LINGO2: variants seen among roughly 807,000 people sequenced by gnomAD.
LINGO2 encodes leucine-rich repeat and immunoglobulin-like domain-containing nogo receptor-interacting protein 2.
A neutral mutation model predicts 30.6 loss-of-function variants in LINGO2; 14 were observed. That is an observed-to-expected ratio of 0.46 (90% CI 0.30 to 0.72). LINGO2 has a LOEUF of 0.72. Ranked by LOEUF, LINGO2 falls within the 30% of genes least tolerant of loss-of-function variation. LINGO2 has a pLI of 0.07. For missense variants in LINGO2, 729 were observed against 751.7 expected, an observed-to-expected ratio of 0.97 and a Z score of 0.35; for synonymous variants, 317 against 288.5, an observed-to-expected ratio of 1.10 and a Z score of -1.00.
At chr9:28,712,108 G>T in the LINGO2 span, among the ~76,000 whole-genome samples, 4 of 152,202 alleles carry the variant, frequency 2.6e-5, no homozygotes, top group Admixed American at 6.5e-5. Flanking sequence ...ATGTAAATAT[G>T]TAAAAGCTAA....
chr9:28,669,672 A>G (rs1226157637), intron 1 of LINGO2, among the ~76,000 whole-genome samples: 1 of 152,032 alleles, frequency 6.6e-6, no homozygotes, highest in African/African-American at 2.4e-5. Context: ...CCCATCACAC[A>G]TACACAAGCC....
chr9:28,047,824 A>C (rs1587764390), intron 4 of LINGO2, among the ~76,000 whole-genome samples: 1 of 150,932 alleles, frequency 6.6e-6, no homozygotes, highest in South Asian at 2.1e-4. Context: ...GAAACCTATA[A>C]ATCTTCAGAA....
At chr9:28,761,671 A>G in the LINGO2 span, among the ~76,000 whole-genome samples, 2 of 149,142 alleles carry the variant, frequency 1.3e-5, no homozygotes, top group Non-Finnish European at 1.5e-5. Flanking sequence ...GGAAAATAAT[A>G]TCTTATAGTG....
the LINGO2 span, among the ~76,000 whole-genome samples, chr9:28,775,072 G>A: frequency 2.6e-5 from 4 of 152,088 alleles, no homozygotes; most frequent in Non-Finnish European, 2.9e-5. Context: ...ATGTGTGTGC[G>A]GATATTGCTG....
the LINGO2 span, among the ~76,000 whole-genome samples, chr9:28,958,752 G>C: frequency 6.6e-6 from 1 of 152,080 alleles, no homozygotes; most frequent in Non-Finnish European, 1.5e-5. Flanking sequence ...AGGGAGGGGG[G>C]AGAGGGAGAG....
chr9:28,091,407 A>T (rs2133265560), intron 4 of LINGO2, among the ~76,000 whole-genome samples: 2 of 152,332 alleles, frequency 1.3e-5, no homozygotes, highest in African/African-American at 4.8e-5. Context: ...CACATCTACA[A>T]CCATCTGATA....
chr9:28,336,851 T>C (rs1012089741), intron 3 of LINGO2, among the ~76,000 whole-genome samples: 1 of 151,790 alleles, frequency 6.6e-6, no homozygotes, highest in Admixed American at 6.6e-5. Context: ...TGCTTATTAC[T>C]AGAATACTTT....
At chr9:27,961,810 C>T (rs12003578) in intron 5 of LINGO2, among the ~76,000 whole-genome samples, 8,461 of 151,992 alleles carry the variant, frequency 0.056, 775 homozygotes, top group African/African-American at 0.19. Flanking sequence ...TGGGCAAATT[C>T]AAGAGGTATT....
chr9:29,008,090 C>G, the LINGO2 span, among the ~76,000 whole-genome samples: 69,243 of 151,738 alleles, frequency 0.46, 16,449 homozygotes, highest in Middle Eastern at 0.53. Context: ...CCTAACCCCA[C>G]GACAGGCCCT....
chr9:28,418,429 C>T (rs763821287), intron 2 of LINGO2, among the ~76,000 whole-genome samples: 4 of 151,884 alleles, frequency 2.6e-5, no homozygotes, highest in East Asian at 1.9e-4. Flanking sequence ...CAGGCACCCA[C>T]GACCACGCCA....
chr9:28,676,633 G>C, the LINGO2 span, among the ~76,000 whole-genome samples: 1 of 152,094 alleles, frequency 6.6e-6, no homozygotes, highest in Non-Finnish European at 1.5e-5. Context: ...GTTGGTGGTG[G>C]TGTTGGTGGT....
chr9:28,307,851 T>C (rs1824434379), intron 3 of LINGO2, among the ~76,000 whole-genome samples: 1 of 151,998 alleles, frequency 6.6e-6, no homozygotes, highest in South Asian at 2.1e-4. Flanking sequence ...GAGAATAAAA[T>C]ACCTAGAAAT....
At chr9:27,937,718 G>C in the LINGO2 span, 1 of 152,004 alleles carries the variant, frequency 6.6e-6, no homozygotes, top group Non-Finnish European at 1.5e-5. Context: ...ACAACAATGT[G>C]CTTATCAGCT....
At chr9:28,843,716 T>C in the LINGO2 span, among the ~76,000 whole-genome samples, 64 of 151,920 alleles carry the variant, frequency 4.2e-4, 2 homozygotes, top group African/African-American at 1.5e-3. Flanking sequence ...AAATAGTGTG[T>C]TGTTAGTTTT....
chr9:28,820,291 C>T, the LINGO2 span, among the ~76,000 whole-genome samples: 7 of 149,726 alleles, frequency 4.7e-5, no homozygotes, highest in African/African-American at 7.4e-5. Flanking sequence ...TAGAAGACCA[C>T]GTGTGTCACC....
At chr9:28,889,039 C>T in the LINGO2 span, 69 of 430,872 alleles carry the variant, frequency 1.6e-4, no homozygotes, top group Non-Finnish European at 2.6e-4. Flanking sequence ...AATCTGTTCC[C>T]CTGGAGTATC....
the LINGO2 span, among the ~76,000 whole-genome samples, chr9:28,858,567 A>C: frequency 6.6e-6 from 1 of 152,014 alleles, no homozygotes; most frequent in Non-Finnish European, 1.5e-5. Context: ...GCAGCTCTAA[A>C]ATGCGGGTTT....
At chr9:28,136,518 G>A (rs778029084) in intron 4 of LINGO2, among the ~76,000 whole-genome samples, 2 of 152,150 alleles carry the variant, frequency 1.3e-5, no homozygotes, top group Non-Finnish European at 2.9e-5. Flanking sequence ...CAGGATTTCA[G>A]GGTCACTTTT....
At chr9:29,112,655 C>G in the LINGO2 span, among the ~76,000 whole-genome samples, 1 of 152,156 alleles carries the variant, frequency 6.6e-6, no homozygotes, top group South Asian at 2.1e-4. Flanking sequence ...TGCCAACTGT[C>G]AAAAACATAC....
Sources: gnomAD v4.1 joint callset for allele counts (sites outside exome capture counted in the v4.1 genomes callset) on GRCh38, gnomAD v4.1.1 for gene constraint, MANE v1.5 for transcripts, NCBI Gene and HGNC (gene_info 2026-07-23, HGNC 2026-07-21) for gene names.